SFMBT2: variants seen among roughly 807,000 people sequenced by gnomAD.
SFMBT2 encodes Scm like with four mbt domains 2, also known as scm-like with four MBT domains protein 2.
In SFMBT2, 38 loss-of-function variants were observed where a neutral mutation model predicts 110.1. That is an observed-to-expected ratio of 0.35 (90% CI 0.27 to 0.45). The LOEUF (loss-of-function observed/expected upper bound fraction) is 0.45, where lower values mean the gene tolerates loss of function less well. Among genes scored for constraint, SFMBT2 ranks in the 20% least tolerant of loss-of-function variants. The probability of loss-of-function intolerance (pLI) is 1.00; values close to 1 mark genes in which losing one functional copy is unlikely to be tolerated. For synonymous variants in SFMBT2, 425 were observed against 425.4 expected, an observed-to-expected ratio of 1.00 and a Z score of 0.01; for missense variants, 1,011 against 1,094.9, an observed-to-expected ratio of 0.92 and a Z score of 1.08.
chr10:7,236,501 C>A (rs1176377210), intron 9 of SFMBT2, among the ~76,000 whole-genome samples: 1 of 152,146 alleles, frequency 6.6e-6, no homozygotes, highest in Non-Finnish European at 1.5e-5. Flanking sequence ...AGGGATGGAT[C>A]CATGACAGTG....
chr10:7,277,762 G>A (rs74116445), intron 6 of SFMBT2, among the ~76,000 whole-genome samples: 4,772 of 152,276 alleles, frequency 0.031, 261 homozygotes, highest in African/African-American at 0.11. Flanking sequence ...CTCACTGGAA[G>A]TAGATATGTT....
intron 4 of SFMBT2, among the ~76,000 whole-genome samples, chr10:7,359,979 A>G (rs1419389694): frequency 6.6e-6 from 1 of 152,254 alleles, no homozygotes; most frequent in Non-Finnish European, 1.5e-5. Context: ...TGATCTGGGA[A>G]CAAACACACT....
intron 7 of SFMBT2, among the ~76,000 whole-genome samples, chr10:7,266,509 C>G (rs1841397955): frequency 6.6e-6 from 1 of 152,114 alleles, no homozygotes; most frequent in Non-Finnish European, 1.5e-5. Context: ...CAGGAGTAAG[C>G]AGGTGTCAGT....
At chr10:7,253,806 T>A (rs1840897912) in intron 7 of SFMBT2, among the ~76,000 whole-genome samples, 1 of 133,416 alleles carries the variant, frequency 7.5e-6, no homozygotes. Flanking sequence ...TTTCTGAAAA[T>A]CACTTTCTAA....
intron 7 of SFMBT2, among the ~76,000 whole-genome samples, chr10:7,271,291 CAAAAA>C (rs56364927): frequency 5.1e-5 from 5 of 97,552 alleles, no homozygotes; most frequent in South Asian, 3.7e-4. Context: ...AGATTGCCTC[CAAAAA>C]AAAAAAAAAA....
At chr10:7,388,524 ATT>A (rs60231769) in intron 1 of SFMBT2, among the ~76,000 whole-genome samples, 6,878 of 111,978 alleles carry the variant, frequency 0.061, 225 homozygotes, top group African/African-American at 0.18. Flanking sequence ...TACCCAGCTA[ATT>A]TTTTTTTTTT....
intron 4 of SFMBT2, among the ~76,000 whole-genome samples, chr10:7,332,034 AAAAGG>A (rs1031673844): frequency 2.8e-5 from 4 of 143,922 alleles, no homozygotes; most frequent in African/African-American, 7.8e-5. Context: ...AAAAAAAAAA[AAAAGG>A]AAAGGTGAAT....
At chr10:7,385,265 T>C (rs564626942) in intron 1 of SFMBT2, among the ~76,000 whole-genome samples, 16 of 152,138 alleles carry the variant, frequency 1.1e-4, no homozygotes, top group African/African-American at 3.1e-4. Flanking sequence ...GGTTATGAGA[T>C]GACAGGATCA....
intron 1 of SFMBT2, among the ~76,000 whole-genome samples, chr10:7,395,862 T>C (rs1845911343): frequency 6.6e-6 from 1 of 152,228 alleles, no homozygotes; most frequent in African/African-American, 2.4e-5. Flanking sequence ...TTAGTTCTGG[T>C]GTCTACTTTT....
chr10:7,246,145 G>A, intron 8 of SFMBT2: 1 of 984,716 alleles, frequency 1.0e-6, no homozygotes, highest in African/African-American at 1.7e-5. Context: ...TAAGAGGAGG[G>A]GTGTATACGA....
rs1053634611 is a variant in SFMBT2, at chr10:7,215,699, G to A, written c.1330+4712C>T. The A allele has an allele frequency of 2.3e-5, 23 of 985,410 alleles. No individual in the cohort carries two copies. In the South Asian group the frequency reaches 7.5e-4, roughly 32 times the overall value. The allele number at this position is 985,410 out of a possible 1,614,324, so 61.0% of individuals were successfully genotyped here. On this transcript the variant is annotated intron_variant, in intron 11 of 20. Transcript: ENST00000397167. The stretch of plus-strand genomic sequence containing the variant: ...GAGTCCGCTGCAGGTGCCAGAGGGC[G>A]GCTGGCCGATGAATTTAAGCCCACT...
rs576610648 is a variant in SFMBT2 at position 7,164,832 on chromosome 10, G to A, written c.2545-922C>T. Among the ~76,000 whole-genome samples the A allele has an allele frequency of 1.7e-4, 25 of 150,840 alleles. No individual in the cohort carries two copies. The East Asian group carries it at 4.9e-3, about 29-fold the overall frequency. On this transcript the variant is annotated intron_variant, in intron 20 of 20. Coordinates refer to ENST00000397167, the MANE Select transcript of SFMBT2 (RefSeq NM_001387889.1). ...CACTCCCCAGAGCGAGGTGTCGCTC[G>A]TACACAGATCTGTTGCCCCACTGTG...
intron 6 of SFMBT2, among the ~76,000 whole-genome samples, chr10:7,279,081 C>A (rs1311437494): frequency 1.3e-4 from 18 of 139,946 alleles, no homozygotes; most frequent in South Asian, 2.3e-4. Flanking sequence ...ACTTCATCTC[C>A]AAAAAAAAAA....
At chr10:7,268,556 G>A (rs1456150348) in intron 7 of SFMBT2, among the ~76,000 whole-genome samples, 2 of 151,920 alleles carry the variant, frequency 1.3e-5, no homozygotes, top group Non-Finnish European at 2.9e-5. Flanking sequence ...TGTCGCCCAG[G>A]CTGGAGTGCA....
Position 7,161,797 on chromosome 10 carries a change from C to T in SFMBT2, c.*1973G>A, listed in dbSNP as rs762363213. On this transcript the variant is annotated 3_prime_UTR_variant, in exon 21 of 21. Coordinates refer to ENST00000397167, the MANE Select transcript of SFMBT2 (RefSeq NM_001387889.1). ...GTTAAGAAGGGTGAGCTTGAGCAAT[C>T]AAAGTTTCCAAAATCCCACTGAGAA... The T allele has an allele frequency of 1.1e-4, 17 of 152,314 alleles. No homozygotes were observed. The highest frequency in any genetic ancestry group is 2.4e-4 in the Non-Finnish European group (16 of 68,036). 9.4% of individuals were successfully genotyped at this position (152,314 alleles called of 1,614,324 possible). A position where few individuals can be genotyped will look rare whatever the true frequency, so the allele number is the denominator to read the frequency against.
chr10:7,384,141 G>A (rs1419851196), intron 1 of SFMBT2, among the ~76,000 whole-genome samples: 1 of 149,440 alleles, frequency 6.7e-6, no homozygotes, highest in African/African-American at 2.5e-5. Flanking sequence ...AACCCGGGAG[G>A]CGGAGGTTGT....
intron 3 of SFMBT2, among the ~76,000 whole-genome samples, chr10:7,369,788 T>C (rs551831659): frequency 6.6e-6 from 1 of 152,200 alleles, no homozygotes; most frequent in Non-Finnish European, 1.5e-5. Context: ...CTATATTCCC[T>C]GTAGCTATCC....
chr10:7,363,796 C>T (rs541434823), intron 4 of SFMBT2, among the ~76,000 whole-genome samples: 6 of 152,256 alleles, frequency 3.9e-5, no homozygotes, highest in African/African-American at 1.4e-4. Context: ...AAGATAAGAA[C>T]TCAGATCTTG....
chr10:7,236,556 C>T (rs772793472), intron 9 of SFMBT2, among the ~76,000 whole-genome samples: 3 of 152,112 alleles, frequency 2.0e-5, no homozygotes, highest in Admixed American at 1.3e-4. Flanking sequence ...ATTCAACAAA[C>T]GATGCAGAGA....
Sources: gnomAD v4.1 joint callset for allele counts (sites outside exome capture counted in the v4.1 genomes callset) on GRCh38, gnomAD v4.1.1 for gene constraint, MANE v1.5 for transcripts, NCBI Gene and HGNC (gene_info 2026-07-23, HGNC 2026-07-21) for gene names.